The following CTNNA3 variants were observed in gnomAD, a reference collection of about 807,000 sequenced individuals.
CTNNA3 encodes the protein catenin alpha 3.
Under a neutral mutation model 95.7 loss-of-function variants are expected in CTNNA3, and 76 were observed. The ratio of observed to expected loss-of-function variants is 0.79; its 90% CI spans 0.66 to 0.96. The LOEUF is 0.96. Ranked by LOEUF, CTNNA3 falls within the 40% of genes least tolerant of loss-of-function variation. CTNNA3 has a pLI of 0.00. For missense variants in CTNNA3, 1,191 were observed against 1,089.8 expected (o/e 1.09, Z -1.31); for synonymous variants, 431 against 374.4 (o/e 1.15, Z -1.74).
At chr10:66,265,903 T>C (rs1487396060) in intron 13 of CTNNA3, among the ~76,000 whole-genome samples, 2 of 152,070 alleles carry the variant, frequency 1.3e-5, no homozygotes, top group African/African-American at 2.4e-5. Context: ...ATGGAAATCT[T>C]ATCTGTCTTA....
rs201496102 is a variant in CTNNA3, at chr10:66,200,965, G to A, written c.1884+79505C>T. Among the ~76,000 whole-genome samples the A allele has an allele frequency of 5.3e-5, 8 of 152,194 alleles. No individual in the cohort carries two copies. In the East Asian group the frequency reaches 1.4e-3, roughly 26 times the overall value. ...TATTATCCATTGTTACTGACACCAT[G>A]AAACCAGTGTTGCCGACCCATGTGA... On this transcript the variant is annotated intron_variant, in intron 13 of 17. Coordinates refer to ENST00000433211, the MANE Select transcript of CTNNA3 (RefSeq NM_013266.4).
chr10:66,790,205 T>C (rs1196333267), intron 7 of CTNNA3, among the ~76,000 whole-genome samples: 1 of 152,150 alleles, frequency 6.6e-6, no homozygotes, highest in Non-Finnish European at 1.5e-5. Context: ...TGCCAGCACT[T>C]TGGGGTGCCC....
At chr10:67,044,178 A>G (rs1854583394) in intron 7 of CTNNA3, among the ~76,000 whole-genome samples, 3 of 152,038 alleles carry the variant, frequency 2.0e-5, no homozygotes, top group Admixed American at 2.0e-4. Context: ...CTCACTTATA[A>G]GTGAGAACAT....
intron 12 of CTNNA3, among the ~76,000 whole-genome samples, chr10:66,350,386 T>G (rs2092557634): frequency 6.6e-6 from 1 of 152,140 alleles, no homozygotes; most frequent in Admixed American, 6.5e-5. Context: ...TTATACTTTT[T>G]AGCATTTGTC....
intron 4 of CTNNA3, among the ~76,000 whole-genome samples, chr10:67,528,612 C>G (rs1326987932): frequency 6.6e-6 from 1 of 152,214 alleles, no homozygotes; most frequent in African/African-American, 2.4e-5. Context: ...TCTCTTAATA[C>G]AATTCCAACC....
At chr10:67,747,939 A>C (rs188340143) in intron 1 of CTNNA3, among the ~76,000 whole-genome samples, 6 of 152,372 alleles carry the variant, frequency 3.9e-5, no homozygotes, top group Admixed American at 3.9e-4. Flanking sequence ...GCTGAAAAAC[A>C]TAGCACGAGA....
chr10:66,018,254 T>C (rs2079133859), intron 15 of CTNNA3, among the ~76,000 whole-genome samples: 1 of 147,582 alleles, frequency 6.8e-6, no homozygotes, highest in Admixed American at 6.9e-5. Context: ...AGTGCAGAAG[T>C]ATCGAGTATA....
chr10:66,691,334 C>T (rs141148872), intron 9 of CTNNA3, among the ~76,000 whole-genome samples: 10 of 152,160 alleles, frequency 6.6e-5, no homozygotes, highest in East Asian at 1.9e-4. Context: ...CAGGGTCCTA[C>T]GCCCATGGAG....
chr10:67,328,362 C>G (rs980241360), intron 5 of CTNNA3, among the ~76,000 whole-genome samples: 1 of 152,140 alleles, frequency 6.6e-6, no homozygotes, highest in Admixed American at 6.5e-5. Flanking sequence ...GACAGCAGAC[C>G]AAGGGGTTCT....
chr10:67,279,431 G>A (rs761804081), intron 5 of CTNNA3, among the ~76,000 whole-genome samples: 2 of 152,020 alleles, frequency 1.3e-5, no homozygotes, highest in Admixed American at 6.6e-5. Context: ...GTCTTTCTCC[G>A]AAGATGAACT....
At chr10:67,660,339 A>G (rs1840142990) in intron 1 of CTNNA3, among the ~76,000 whole-genome samples, 1 of 152,182 alleles carries the variant, frequency 6.6e-6, no homozygotes, top group Non-Finnish European at 1.5e-5. Flanking sequence ...CTTCTCCCCA[A>G]CAATTTAGAA....
chr10:67,219,557 T>G (rs200145969), intron 6 of CTNNA3, 50 bp downstream of exon 6: 111 of 1,520,204 alleles, frequency 7.3e-5, no homozygotes, highest in Non-Finnish European at 9.5e-5. Flanking sequence ...TTATTATTAT[T>G]ATTACTGTAT....
intron 7 of CTNNA3, among the ~76,000 whole-genome samples, chr10:66,856,346 G>A (rs377146563): frequency 5.3e-5 from 8 of 151,958 alleles, no homozygotes; most frequent in African/African-American, 1.9e-4. Context: ...TTGATTCCAC[G>A]TCTTTGCTAT....
At chr10:66,708,640 G>A (rs1848196146) in intron 9 of CTNNA3, among the ~76,000 whole-genome samples, 1 of 152,084 alleles carries the variant, frequency 6.6e-6, no homozygotes, top group Non-Finnish European at 1.5e-5. Flanking sequence ...CAAGAGGCCA[G>A]AGAGCTGTCA....
chr10:66,968,315 C>T (rs1473417621), intron 7 of CTNNA3, among the ~76,000 whole-genome samples: 1 of 150,278 alleles, frequency 6.7e-6, no homozygotes, highest in Non-Finnish European at 1.5e-5. Flanking sequence ...GAATATCAGA[C>T]ACTATTTTAG....
chr10:66,464,758 CT>C lies in CTNNA3; in HGVS notation c.1531+55858del, dbSNP rs544577110. On this transcript the variant is annotated intron_variant, in intron 11 of 17. Coordinates refer to ENST00000433211, the MANE Select transcript of CTNNA3 (RefSeq NM_013266.4). ...AGCCTGTGTGACGGAGTGAGACTGT[CT>C]CAAAAAATAAAAAAAAAAACAAAAA... is the stretch of plus-strand genomic sequence containing the variant. Among the ~76,000 whole-genome samples the C allele has an allele frequency of 4.1e-3, 584 of 144,072 alleles. 4 individuals are homozygous for C. Among genetic ancestry groups the C allele is most frequent in the African/African-American group, 0.015 (551 of 36,776 alleles). 94.5% of individuals were successfully genotyped at this position (144,072 alleles called of 152,430 possible).
intron 11 of CTNNA3, among the ~76,000 whole-genome samples, chr10:66,466,931 A>G (rs573699287): frequency 1.6e-4 from 25 of 152,014 alleles, no homozygotes; most frequent in Non-Finnish European, 3.2e-4. Flanking sequence ...AATTGACATT[A>G]TATTATTTTT....
intron 15 of CTNNA3, among the ~76,000 whole-genome samples, chr10:66,009,127 G>T (rs538271668): frequency 6.6e-6 from 1 of 151,824 alleles, no homozygotes; most frequent in Non-Finnish European, 1.5e-5. Flanking sequence ...TGTACTTCAC[G>T]TAGTCTTCTT....
At chr10:66,569,984 C>G (rs940612111) in intron 10 of CTNNA3, among the ~76,000 whole-genome samples, 2 of 152,168 alleles carry the variant, frequency 1.3e-5, no homozygotes, top group African/African-American at 4.8e-5. Context: ...GGGAAGTTGT[C>G]TGCAACCTCT....
Sources: allele counts gnomAD v4.1 joint callset (sites outside exome capture counted in the v4.1 genomes callset), GRCh38; gene constraint gnomAD v4.1.1; transcripts MANE v1.5; gene names NCBI Gene and HGNC (gene_info 2026-07-23, HGNC 2026-07-21).